The following RBFOX2 variants were observed in gnomAD, a reference collection of about 807,000 sequenced individuals.
RBFOX2 encodes RNA binding protein fox-1 homolog 2.
Under a neutral mutation model 49.1 loss-of-function variants are expected in RBFOX2, and 10 were observed. The observed-to-expected ratio is 0.20, with a 90% CI of 0.13 to 0.35. The LOEUF (loss-of-function observed/expected upper bound fraction) is 0.35. Among genes scored for constraint, RBFOX2 ranks in the 10% least tolerant of loss-of-function variants. The probability of loss-of-function intolerance (pLI) is 1.00; values close to 1 mark genes in which losing one functional copy is unlikely to be tolerated. For missense variants in RBFOX2, 323 were observed against 486.9 expected, an observed-to-expected ratio of 0.66 and a Z score of 3.17; for synonymous variants, 183 against 187.4, an observed-to-expected ratio of 0.98 and a Z score of 0.19.
intron 1 of RBFOX2, among the ~76,000 whole-genome samples, chr22:36,027,962 CA>C (rs2059511248): frequency 6.6e-6 from 1 of 152,158 alleles, no homozygotes; most frequent in Admixed American, 6.5e-5. Flanking sequence ...AAATGGAATC[CA>C]TCTCAACCTT....
At chr22:35,952,963 G>A (rs769875641) in intron 1 of RBFOX2, among the ~76,000 whole-genome samples, 16 of 152,074 alleles carry the variant, frequency 1.1e-4, no homozygotes, top group Non-Finnish European at 1.8e-4. Flanking sequence ...TGTAATCCCA[G>A]AATTTTGGGA....
intron 1 of RBFOX2, among the ~76,000 whole-genome samples, chr22:35,837,895 C>T (rs1028267956): frequency 1.3e-5 from 2 of 152,106 alleles, no homozygotes; most frequent in African/African-American, 4.8e-5. Context: ...ATTATTACGA[C>T]CACAATATTA....
intron 1 of RBFOX2, among the ~76,000 whole-genome samples, chr22:35,874,836 AT>A (rs1288221070): frequency 1.3e-5 from 2 of 152,196 alleles, no homozygotes; most frequent in Admixed American, 1.3e-4. Flanking sequence ...CCAAGTTCCT[AT>A]GTTGAGGCCC....
chr22:35,829,558 C>G (rs1309801216), intron 1 of RBFOX2, among the ~76,000 whole-genome samples: 1 of 151,020 alleles, frequency 6.6e-6, no homozygotes, highest in African/African-American at 2.4e-5. Flanking sequence ...TAGAAAAGAT[C>G]CAAAAAGAAA....
chr22:35,793,697 T>C (rs1384449740), intron 2 of RBFOX2, among the ~76,000 whole-genome samples: 1 of 152,214 alleles, frequency 6.6e-6, no homozygotes, highest in Admixed American at 6.5e-5. Flanking sequence ...TTAAGAATAA[T>C]TACTTTTAGA....
Position 35,959,390 on chromosome 22 carries a change from G to A in RBFOX2, c.42+2173C>T, listed in dbSNP as rs76739826. On this transcript the variant is annotated intron_variant, in intron 1 of 5. Transcript: ENST00000408983. ...TACCCCTAGGCCAAGAAATAGGGAA[G>A]GTAAGTGTATGATTATCTATACACT... Among the ~76,000 whole-genome samples the A allele has an allele frequency of 3.3e-3, 501 of 152,310 alleles. 1 individual carries two copies. The highest frequency in any genetic ancestry group is 0.011 in the African/African-American group (468 of 41,554).
chr22:35,858,826 C>CAAAAA (rs771614258), intron 1 of RBFOX2, among the ~76,000 whole-genome samples: 1 of 53,726 alleles, frequency 1.9e-5, no homozygotes, highest in Non-Finnish European at 4.0e-5. Context: ...GACTCTGTCT[C>CAAAAA]AAAAAAAAAA....
chr22:35,938,926 C>G (rs201076639), upstream of RBFOX2: 4 of 1,590,184 alleles, frequency 2.5e-6, no homozygotes, highest in South Asian at 1.1e-5. Flanking sequence ...AAATATCAAA[C>G]CATGAGATGA....
chr22:35,957,728 C>A (rs538839540), intron 1 of RBFOX2, among the ~76,000 whole-genome samples: 1 of 152,276 alleles, frequency 6.6e-6, no homozygotes, highest in Non-Finnish European at 1.5e-5. Flanking sequence ...TGTAGTTCTT[C>A]CAACCGTAAC....
intron 2 of RBFOX2, among the ~76,000 whole-genome samples, chr22:35,798,575 G>A (rs1350524262): frequency 6.6e-6 from 1 of 152,130 alleles, no homozygotes; most frequent in Admixed American, 6.6e-5. Context: ...TCACATGGCG[G>A]CTATGGTAAC....
At chr22:36,023,014 A>T (rs1174523879) in intron 1 of RBFOX2, among the ~76,000 whole-genome samples, 1 of 152,086 alleles carries the variant, frequency 6.6e-6, no homozygotes, top group Non-Finnish European at 1.5e-5. Context: ...GGACAGGGAG[A>T]GATGAAAAAT....
chr22:36,028,098 T>G (rs2059519075), intron 1 of RBFOX2, 142 bp downstream of exon 1: 11 of 1,278,782 alleles, frequency 8.6e-6, no homozygotes, highest in Non-Finnish European at 1.1e-5. Flanking sequence ...CGCCCCACCT[T>G]CCAACCAGGC....
At chr22:35,906,998 A>G (rs1053799535) in intron 1 of RBFOX2, among the ~76,000 whole-genome samples, 1 of 152,208 alleles carries the variant, frequency 6.6e-6, no homozygotes, top group African/African-American at 2.4e-5. Flanking sequence ...AAGTATATAC[A>G]TTTCAAGAAA....
rs776391197 is a variant in RBFOX2, at chr22:35,761,331, G to C, written c.662-37C>G. The C allele has an allele frequency of 9.0e-5, 145 of 1,612,838 alleles. 1 individual carries two copies. The highest frequency in any genetic ancestry group is 1.2e-4 in the Non-Finnish European group (144 of 1,179,098). On this transcript the variant is annotated intron_variant, in intron 7 of 11. Coordinates refer to ENST00000405409, the Ensembl canonical transcript of RBFOX2. ...TTTAAAAAATTTAAAAATGCAAGAA[G>C]ATTAAAAAGGAGTCACAAATTGAAA...
intron 1 of RBFOX2, among the ~76,000 whole-genome samples, chr22:35,881,621 A>C (rs1184936073): frequency 6.7e-6 from 1 of 149,966 alleles, no homozygotes; most frequent in East Asian, 2.0e-4. Flanking sequence ...TTAATGTCTA[A>C]TGCAGTTGTT....
chr22:35,851,779 C>G (rs953785311), intron 1 of RBFOX2, among the ~76,000 whole-genome samples: 2 of 150,698 alleles, frequency 1.3e-5, no homozygotes, highest in African/African-American at 2.4e-5. Flanking sequence ...CCACCGCAGC[C>G]GAGATCCCGC....
chr22:36,015,765 G>C (rs1394592881), intron 1 of RBFOX2, among the ~76,000 whole-genome samples: 2 of 151,848 alleles, frequency 1.3e-5, no homozygotes, highest in Non-Finnish European at 2.9e-5. Flanking sequence ...ATCGGGGCAG[G>C]GGGCTAAAAA....
intron 1 of RBFOX2, among the ~76,000 whole-genome samples, chr22:35,870,769 G>T: frequency 6.6e-6 from 1 of 152,094 alleles, no homozygotes; most frequent in East Asian, 1.9e-4. Context: ...GCAGTCTAAT[G>T]AACTATATTC....
At chr22:35,960,319 G>A (rs560151831) in intron 1 of RBFOX2, among the ~76,000 whole-genome samples, 138 of 152,096 alleles carry the variant, frequency 9.1e-4, no homozygotes, top group Non-Finnish European at 1.7e-3. Flanking sequence ...TACACATGAG[G>A]AAGCCAACGC....
Sources: allele counts gnomAD v4.1 joint callset (sites outside exome capture counted in the v4.1 genomes callset), GRCh38; gene constraint gnomAD v4.1.1; transcripts MANE v1.5; gene names NCBI Gene and HGNC (gene_info 2026-07-23, HGNC 2026-07-21).